NPY: variants seen among roughly 807,000 people sequenced by gnomAD.
NPY encodes pro-neuropeptide Y.
Under a neutral mutation model 13.2 loss-of-function variants are expected in NPY, and 11 were observed. The observed-to-expected ratio is 0.83, with a 90% CI of 0.52 to 1.38. NPY has a LOEUF of 1.38. Ranked by LOEUF, NPY falls within the 40% of genes most tolerant of loss-of-function variation. The pLI is 0.00. For missense variants in NPY, 109 were observed against 125.1 expected, an observed-to-expected ratio of 0.87 and a Z score of 0.61; for synonymous variants, 51 against 55.6, an observed-to-expected ratio of 0.92 and a Z score of 0.37.
rs543267726 is a variant in NPY, at chr7:24,289,551, G to A, written c.241G>A (p.Glu81Lys). Residue 81 changes from glutamate (E) to lysine (K), a missense_variant, in exon 3 of 4, where the codon GAA becomes AAA. By Grantham distance (56) the Glu-to-Lys change is moderately conservative. Coordinates refer to ENST00000242152, the MANE Select transcript of NPY (RefSeq NM_000905.4). ...ACTGATTTCAGACCTCTTGATGAGA[G>A]AAAGCACAGAAAATGTTCCCAGAAC... ...ETLISDLLMR[E>K]STENVPRTRL... The A allele has an allele frequency of 3.1e-6, 5 of 1,610,786 alleles. No individual in the cohort carries two copies. The South Asian group carries it at 3.3e-5, about 11-fold the overall frequency.
Position 24,285,510 on chromosome 7 carries a change from G to GTTTCT in NPY, c.188+87_188+91dup. ...CCTGGGGATGTTAGGGAAAGGGATT[G>GTTTCT]TTTCTTTTCCTTCGCTCTATCCCAG... On this transcript the variant is annotated intron_variant, in intron 2 of 3. Transcript: ENST00000242152. The surrounding 1 kb of genome is among the most constrained non-coding windows in gnomAD (Gnocchi z 4.9). 1 of 1,404,624 alleles carries GTTTCT rather than the reference G, an allele frequency of 7.1e-7. No individual in the cohort carries two copies. The highest frequency in any genetic ancestry group is 9.8e-7 in the Non-Finnish European group (1 of 1,024,316). 87.0% of individuals were successfully genotyped at this position (1,404,624 alleles called of 1,614,324 possible). A position where few individuals can be genotyped will look rare whatever the true frequency, so the allele number is the denominator to read the frequency against.
chr7:24,286,174 A>T (rs1787368796), intron 2 of NPY, among the ~76,000 whole-genome samples: 1 of 152,252 alleles, frequency 6.6e-6, no homozygotes, highest in African/African-American at 2.4e-5. Context: ...GAATTCAGGG[A>T]TTACATGGAA....
intron 3 of NPY, 129 bp downstream of exon 3, chr7:24,289,708 A>G: frequency 1.8e-6 from 1 of 554,412 alleles, no homozygotes; most frequent in Non-Finnish European, 3.1e-6. Context: ...GGCAGAAATG[A>G]GGATGAAGAA....
intron 3 of NPY, 94 bp from the exon 4 acceptor site, chr7:24,291,569 C>A: frequency 7.0e-7 from 1 of 1,428,030 alleles, no homozygotes; most frequent in South Asian, 1.2e-5. Context: ...AGTTCCCGGT[C>A]ATCTTTCACT....
At chr7:24,287,847 T>C (rs1787448082) in intron 2 of NPY, among the ~76,000 whole-genome samples, 2 of 152,142 alleles carry the variant, frequency 1.3e-5, no homozygotes, top group African/African-American at 2.4e-5. Context: ...GGGGAGCTTT[T>C]AAAATACACT....
intron 3 of NPY, among the ~76,000 whole-genome samples, chr7:24,290,994 A>G (rs1312350554): frequency 3.3e-5 from 5 of 152,058 alleles, no homozygotes; most frequent in Non-Finnish European, 5.9e-5. Context: ...ACTGACATGC[A>G]TATGATGTTT....
rs935533576 is a variant in NPY, at chr7:24,285,916, G to A, written c.188+488G>A. ...TGTCAGACTTTCCGGCCTGCCCAGG[G>A]CTAATTGAATGACAGTATTTAGAAA... On this transcript the variant is annotated intron_variant, in intron 2 of 3. Coordinates refer to ENST00000242152, the MANE Select transcript of NPY (RefSeq NM_000905.4). The surrounding 1 kb of genome is among the most constrained non-coding windows in gnomAD (Gnocchi z 4.9). 2.0e-5 allele frequency among the ~76,000 whole-genome samples: 3 copies of A among 152,090 alleles called. No homozygotes were observed. The highest frequency in any genetic ancestry group is 2.9e-5 in the Non-Finnish European group (2 of 68,010).
chr7:24,290,775 A>AATAATTATT (rs10701264), intron 3 of NPY, among the ~76,000 whole-genome samples: 24,792 of 129,412 alleles, frequency 0.19, 2,525 homozygotes, highest in African/African-American at 0.21. Flanking sequence ...TAATAATAAT[A>AATAATTATT]ATTATTATTA....
At chr7:24,287,598 T>G (rs1166125195) in intron 2 of NPY, among the ~76,000 whole-genome samples, 1 of 152,084 alleles carries the variant, frequency 6.6e-6, no homozygotes, top group Non-Finnish European at 1.5e-5. Context: ...CCTAAATCAG[T>G]GGTTCTCAAC....
At chr7:24,289,781 A>G (rs1787534752) in intron 3 of NPY, among the ~76,000 whole-genome samples, 1 of 152,200 alleles carries the variant, frequency 6.6e-6, no homozygotes, top group African/African-American at 2.4e-5. Flanking sequence ...TCTGTGGAAT[A>G]ACATTTTTTT....
chr7:24,286,439 T>C (rs905175225), intron 2 of NPY, among the ~76,000 whole-genome samples: 1 of 152,196 alleles, frequency 6.6e-6, no homozygotes, highest in Non-Finnish European at 1.5e-5. Context: ...AGCATTAATG[T>C]TAGTTAACAT....
intron 1 of NPY, chr7:24,284,973 C>T (rs1319672006): frequency 1.8e-5 from 10 of 551,334 alleles, no homozygotes; most frequent in African/African-American, 1.3e-4. Context: ...CTTGCACTCT[C>T]GCCGCGCGCT....
In NPY at chr7:24,289,460, C is replaced by T. The variant is rs201714509; in HGVS notation, c.189-39C>T. ...TCCTTTTTCCTAAAGGTTTTTATGC[C>T]TATTCCAAACTTGCTTTAAAAGACT... On this transcript the variant is annotated intron_variant, in intron 2 of 3. Coordinates refer to ENST00000242152, the MANE Select transcript of NPY (RefSeq NM_000905.4). 14 of 1,440,758 alleles carry T rather than the reference C, an allele frequency of 9.7e-6. No individual in the cohort carries two copies. The African/African-American group carries it at 2.0e-4, about 20-fold the overall frequency. 89.2% of individuals were successfully genotyped at this position (1,440,758 alleles called of 1,614,324 possible). A position where few individuals can be genotyped will look rare whatever the true frequency, so the allele number is the denominator to read the frequency against.
rs759189466 is a variant in NPY, at chr7:24,289,565, T to A, written c.255T>A (p.Asn85Lys). Residue 85 changes from asparagine to lysine, a missense_variant, in exon 3 of 4, where the codon AAT becomes AAA. By Grantham distance (94) the Asn-to-Lys change is moderately conservative. Coordinates refer to ENST00000242152, the MANE Select transcript of NPY (RefSeq NM_000905.4). ...TCTTGATGAGAGAAAGCACAGAAAA[T>A]GTTCCCAGAACTCGGTATGACAAGG... ...SDLLMRESTE[N>K]VPRTRLEDPA... The A allele has an allele frequency of 6.2e-7, 1 of 1,609,486 alleles. No individual in the cohort carries two copies. Among genetic ancestry groups the A allele is most frequent in the African/African-American group, 1.3e-5 (1 of 74,446 alleles).
At chr7:24,291,399 C>T (rs1393608467) in intron 3 of NPY, among the ~76,000 whole-genome samples, 2 of 152,268 alleles carry the variant, frequency 1.3e-5, no homozygotes, top group East Asian at 1.9e-4. Flanking sequence ...TCCTTTGATA[C>T]ATACAGAGCC....
In NPY at chr7:24,285,962, C is replaced by A. The variant is rs998440649; in HGVS notation, c.188+534C>A. Among the ~76,000 whole-genome samples the A allele has an allele frequency of 2.6e-5, 4 of 152,174 alleles. No individual in the cohort carries two copies. The highest frequency in any genetic ancestry group is 9.7e-5 in the African/African-American group (4 of 41,448). On this transcript the variant is annotated intron_variant, in intron 2 of 3. Transcript: ENST00000242152. The surrounding 1 kb of genome is among the most constrained non-coding windows in gnomAD (Gnocchi z 4.9). Reference sequence around the variant, plus strand: ...AGAAAAAGACAAATAGAGCTATTTTCTTTTCTTCTTCACTGTGTTTTTTTT... The same window carrying A: ...AGAAAAAGACAAATAGAGCTATTTTATTTTCTTCTTCACTGTGTTTTTTTT...
intron 3 of NPY, 21 bp from the exon 4 acceptor site, chr7:24,291,642 T>C (rs1206788593): frequency 6.2e-7 from 1 of 1,613,930 alleles, no homozygotes; most frequent in African/African-American, 1.3e-5. Context: ...CCTTACATGC[T>C]TTGCTTCTTA....
chr7:24,290,936 G>A (rs894840352), intron 3 of NPY, among the ~76,000 whole-genome samples: 1 of 151,840 alleles, frequency 6.6e-6, no homozygotes, highest in Non-Finnish European at 1.5e-5. Context: ...CATAATGCCT[G>A]GCCAGGGTTG....
intron 2 of NPY, among the ~76,000 whole-genome samples, chr7:24,286,742 A>G (rs1342222553): frequency 6.6e-6 from 1 of 152,218 alleles, no homozygotes; most frequent in African/African-American, 2.4e-5. Context: ...GCAAAAAGCA[A>G]TAATATTTTA....
Sources: gnomAD v4.1 joint callset for allele counts (sites outside exome capture counted in the v4.1 genomes callset) on GRCh38, gnomAD v4.1.1 for gene constraint, Gnocchi (gnomAD v3.1) non-coding constraint, MANE v1.5 for transcripts, NCBI Gene and HGNC (gene_info 2026-07-23, HGNC 2026-07-21) for gene names.